AFF2: variants seen among roughly 807,000 people sequenced by gnomAD.
The protein encoded by AFF2 is ALF transcription elongation factor 2.
A neutral mutation model predicts 76.9 loss-of-function variants in AFF2; 14 were observed. The observed-to-expected ratio is 0.18, with a 90% CI of 0.12 to 0.28. The LOEUF is 0.28. AFF2 is among the 10% of genes least tolerant of loss of function. AFF2 has a pLI of 1.00. For synonymous variants in AFF2, 398 were observed against 366.7 expected (o/e 1.09, Z -0.98); for missense variants, 868 against 1,001.1 (o/e 0.87, Z 1.79).
At chrX:148,809,989 T>TA in intron 4 of AFF2, 69 bp downstream of exon 4, 1 of 1,016,578 alleles carries the variant, frequency 9.8e-7, no homozygotes, top group Non-Finnish European at 1.4e-6. Context: ...CTGTTTAAAG[T>TA]AATTACTGTT....
intron 3 of AFF2, among the ~76,000 whole-genome samples, chrX:148,786,296 T>G (rs2069820449): frequency 8.9e-6 from 1 of 111,835 alleles, no homozygotes; most frequent in East Asian, 2.8e-4. Context: ...ATAGTCTGCC[T>G]TGTAGTACAG....
intron 1 of AFF2, among the ~76,000 whole-genome samples, chrX:148,617,743 G>A (rs994950540): frequency 5.3e-5 from 6 of 112,337 alleles, no homozygotes; most frequent in East Asian, 5.6e-4. Context: ...ATACCTGTTC[G>A]ATAGAATCAG....
At chrX:148,889,331 G>A (rs1231889154) in intron 8 of AFF2, among the ~76,000 whole-genome samples, 3 of 110,974 alleles carry the variant, frequency 2.7e-5, no homozygotes, top group Non-Finnish European at 3.8e-5. Flanking sequence ...CAGGTCATGT[G>A]CACAAACACA....
intron 1 of AFF2, among the ~76,000 whole-genome samples, chrX:148,528,711 A>C (rs1467788664): frequency 3.6e-5 from 4 of 111,974 alleles, no homozygotes; most frequent in Non-Finnish European, 7.5e-5. Context: ...ATAATACTTT[A>C]AAATAATAAA....
intron 1 of AFF2, among the ~76,000 whole-genome samples, chrX:148,521,376 A>G (rs1463100084): frequency 1.0e-5 from 1 of 99,189 alleles, no homozygotes; most frequent in Non-Finnish European, 2.0e-5. Flanking sequence ...ACGTGCATGC[A>G]CACACACACA....
intron 11 of AFF2, 125 bp from the exon 12 acceptor site, chrX:148,958,211 AC>A: frequency 1.1e-6 from 1 of 943,774 alleles, no homozygotes; most frequent in Non-Finnish European, 1.5e-6. Flanking sequence ...CATTTAACTC[AC>A]CTACCTAATC....
At chrX:148,611,118 A>G (rs782249636) in intron 1 of AFF2, among the ~76,000 whole-genome samples, 24 of 111,972 alleles carry the variant, frequency 2.1e-4, no homozygotes, top group Non-Finnish European at 4.1e-4. Context: ...GTGACGGTTA[A>G]ATGGAAAGTT....
chrX:148,554,834 A>C (rs1221534777), intron 1 of AFF2, among the ~76,000 whole-genome samples: 1 of 112,249 alleles, frequency 8.9e-6, no homozygotes. Flanking sequence ...TGTTCAATAG[A>C]TGTGTGTTGA....
At chrX:148,578,850 G>T (rs1352231433) in intron 1 of AFF2, among the ~76,000 whole-genome samples, 1 of 111,832 alleles carries the variant, frequency 8.9e-6, no homozygotes, top group Non-Finnish European at 1.9e-5. Flanking sequence ...GGACATAAAT[G>T]TTAGACTCTA....
intron 3 of AFF2, among the ~76,000 whole-genome samples, chrX:148,739,831 A>G (rs1372205424): frequency 9.0e-6 from 1 of 111,669 alleles, no homozygotes; most frequent in Non-Finnish European, 1.9e-5. Context: ...CAGTTCTTGT[A>G]GTGGTGGCTT....
chrX:148,962,944 A>G lies in AFF2; in HGVS notation c.2913+7A>G, dbSNP rs1557288292. The G allele has an allele frequency of 3.6e-6, 4 of 1,113,835 alleles. No homozygotes were observed. The highest frequency in any genetic ancestry group is 5.0e-6 in the Non-Finnish European group (4 of 807,046). 91.8% of individuals were successfully genotyped at this position (1,113,835 alleles called of 1,213,427 possible). ...CAAAGGGATATCGGTAAATGTAAGC[A>G]TCTTGGAAGAAATATTATTATTGTC... On this transcript the variant is annotated splice_region_variant and intron_variant, in intron 13 of 20. Coordinates refer to ENST00000370460, the MANE Select transcript of AFF2 (RefSeq NM_002025.4).
chrX:148,736,196 G>A, intron 3 of AFF2, among the ~76,000 whole-genome samples: 1 of 112,106 alleles, frequency 8.9e-6, no homozygotes, highest in Non-Finnish European at 1.9e-5. Flanking sequence ...TCTCCACACT[G>A]TTTTCCATAG....
chrX:148,805,893 G>A (rs1391594290), intron 3 of AFF2, among the ~76,000 whole-genome samples: 5 of 112,584 alleles, frequency 4.4e-5, no homozygotes, highest in African/African-American at 1.6e-4. Flanking sequence ...TCTGGGGCCA[G>A]GAGTGAGAGC....
intron 14 of AFF2, 55 bp from the exon 15 acceptor site, chrX:148,967,574 T>G: frequency 9.3e-7 from 1 of 1,076,825 alleles, no homozygotes; most frequent in Non-Finnish European, 1.3e-6. Context: ...TGATTCAGTC[T>G]TTTACTGAAA....
intron 1 of AFF2, among the ~76,000 whole-genome samples, chrX:148,646,305 T>C (rs1472929005): frequency 8.9e-6 from 1 of 111,966 alleles, no homozygotes; most frequent in African/African-American, 3.3e-5. Flanking sequence ...ATATTAGTTA[T>C]ATCTCAATCA....
rs782009336 is a variant in AFF2, at chrX:148,996,847, ATAAG to A, written c.*5517_*5520del. The A allele has an allele frequency of 8.9e-6, 1 of 112,263 alleles. No homozygotes were observed. Among genetic ancestry groups the A allele is most frequent in the East Asian group, 2.8e-4 (1 of 3,598 alleles). 9.3% of individuals were successfully genotyped at this position (112,263 alleles called of 1,213,427 possible). Reference sequence around the variant, plus strand: ...CCCTCACGATTGATTTTTTAAAAAGATAAGTGAGTGTTTTTTATTTTATTATTAT... The same window carrying A: ...CCCTCACGATTGATTTTTTAAAAAGATGAGTGTTTTTTATTTTATTATTAT... On this transcript the variant is annotated 3_prime_UTR_variant, in exon 21 of 21. Transcript: ENST00000370460.
At chrX:148,524,101 C>CTA (rs2052630719) in intron 1 of AFF2, among the ~76,000 whole-genome samples, 2 of 71,581 alleles carry the variant, frequency 2.8e-5, no homozygotes, top group Non-Finnish European at 5.1e-5. Flanking sequence ...CTCTCTTTCT[C>CTA]TCTCTCTCTC....
chrX:148,918,429 G>T (rs782379536), intron 9 of AFF2, among the ~76,000 whole-genome samples: 3 of 112,012 alleles, frequency 2.7e-5, no homozygotes, highest in African/African-American at 6.5e-5. Context: ...AGGGTAGATT[G>T]ATAGGAGAGA....
chrX:148,726,320 G>A (rs782045372), intron 3 of AFF2, among the ~76,000 whole-genome samples: 1 of 111,990 alleles, frequency 8.9e-6, no homozygotes, highest in South Asian at 3.7e-4. Context: ...ACTCTGCCTA[G>A]CAACTACCAA....
Sources: allele counts gnomAD v4.1 joint callset (sites outside exome capture counted in the v4.1 genomes callset), GRCh38; gene constraint gnomAD v4.1.1; transcripts MANE v1.5; gene names NCBI Gene and HGNC (gene_info 2026-07-23, HGNC 2026-07-21).